ZMAT2: variants seen among roughly 807,000 people sequenced by gnomAD.
The protein encoded by ZMAT2 is zinc finger matrin-type 2.
In ZMAT2, 5 loss-of-function variants were observed where a neutral mutation model predicts 27.5. The observed-to-expected ratio is 0.18, with a 90% confidence interval of 0.10 to 0.38. ZMAT2 has a LOEUF of 0.38. ZMAT2 is among the 10% of genes least tolerant of loss of function. The pLI is 1.00. For synonymous variants in ZMAT2, 76 were observed against 78.6 expected, an observed-to-expected ratio of 0.97 and a Z score of 0.17; for missense variants, 124 against 243.9, an observed-to-expected ratio of 0.51 and a Z score of 3.27.
At position 140,702,050 on chromosome 5, in the gene ZMAT2, G is replaced by C; in HGVS notation, c.157G>C (p.Asp53His). The C allele has an allele frequency of 6.2e-7, 1 of 1,613,440 alleles. No homozygotes were observed. The highest frequency in any genetic ancestry group is 8.5e-7 in the Non-Finnish European group (1 of 1,179,712). Residue 53 changes from aspartate (D) to histidine (H), a missense_variant, in exon 3 of 6, where the codon GAC becomes CAC. Asp to His is a moderately conservative substitution (Grantham distance 81). Around this residue, in one of 5 missense-constraint regions of ZMAT2, gnomAD observed 34 missense variants for 50.8 expected, o/e 0.67. Transcript: ENST00000274712. ...CAAGCGAGAGCTTTTACGGCATAGG[G>C]ACTACAAGGTGGACTTGGAATCCAA... The part of the protein sequence containing the change: ...PVKRELLRHR[D>H]YKVDLESKLG...
chr5:140,704,625 A>G (rs557196022), intron 5 of ZMAT2, 54 bp downstream of exon 5: 212 of 1,592,398 alleles, frequency 1.3e-4, no homozygotes, highest in Middle Eastern at 4.2e-4. Flanking sequence ...TATGTTATGA[A>G]TCATGGGAGA....
rs768328648 is a variant in ZMAT2 at position 140,705,762 on chromosome 5, T to C, written c.*6T>C. On this transcript the variant is annotated 3_prime_UTR_variant, in exon 6 of 6. Coordinates refer to ENST00000274712, the MANE Select transcript of ZMAT2 (RefSeq NM_144723.3). ...CCACCAAGAAGAGTTACTGAGGCTT[T>C]CTGTGCTTGGCCTGACTTTGGCCTA... is the stretch of plus-strand genomic sequence containing the variant. 1 of 1,613,428 alleles carries C rather than the reference T, an allele frequency of 6.2e-7. No individual in the cohort carries two copies. The highest frequency in any genetic ancestry group is 2.2e-5 in the East Asian group (1 of 44,876).
chr5:140,705,805 CGTGT>C lies in ZMAT2; in HGVS notation c.*60_*63del. ...TTGGCCTATGCTGGACCTAACTTTG[CGTGT>C]GTGTGTGTGTAGTAGGGGGTCATTT... On this transcript the variant is annotated 3_prime_UTR_variant, in exon 6 of 6. Coordinates refer to ENST00000274712, the MANE Select transcript of ZMAT2 (RefSeq NM_144723.3). The C allele has an allele frequency of 1.9e-6, 3 of 1,587,694 alleles. No homozygotes were observed. The highest frequency in any genetic ancestry group is 2.2e-5 in the South Asian group (2 of 89,126).
chr5:140,704,663 AC>A, intron 5 of ZMAT2, 92 bp downstream of exon 5: 3 of 1,379,702 alleles, frequency 2.2e-6, no homozygotes, highest in Non-Finnish European at 3.0e-6. Context: ...TCCTACTCCC[AC>A]CCCCAGAGTT....
chr5:140,700,954 C>T (rs748192026), intron 2 of ZMAT2, 42 bp downstream of exon 2: 11 of 1,590,932 alleles, frequency 6.9e-6, no homozygotes, highest in Admixed American at 6.9e-5. Flanking sequence ...ATCACAGAGG[C>T]GATGCGATGA....
Position 140,706,477 on chromosome 5 carries a change from A to T in ZMAT2, c.*721A>T, listed in dbSNP as rs6848. The T allele has an allele frequency of 0.52, 78,719 of 152,216 alleles. 21,133 individuals carry two copies. Among genetic ancestry groups the T allele is most frequent in the African/African-American group, 0.66 (27,490 of 41,402 alleles). 9.4% of individuals were successfully genotyped at this position (152,216 alleles called of 1,614,324 possible). On this transcript the variant is annotated 3_prime_UTR_variant, in exon 6 of 6. Coordinates refer to ENST00000274712, the MANE Select transcript of ZMAT2 (RefSeq NM_144723.3). ...CAGGTGTAGATTGTTTCAGCTTCTC[A>T]TGTTTCATTTTCCTGAAGATTTATG...
chr5:140,704,139 G>A, intron 4 of ZMAT2, 148 bp downstream of exon 4: 2 of 754,632 alleles, frequency 2.7e-6, no homozygotes. Context: ...CTTTTTTGAT[G>A]CCCCTATTAG....
At chr5:140,704,923 A>AC (rs1402505906) in intron 5 of ZMAT2, among the ~76,000 whole-genome samples, 1 of 152,054 alleles carries the variant, frequency 6.6e-6, no homozygotes, top group Non-Finnish European at 1.5e-5. Flanking sequence ...AATACATAAT[A>AC]CACCTAACCT....
At chr5:140,702,508 G>A (rs1581559683) in intron 3 of ZMAT2, among the ~76,000 whole-genome samples, 1 of 152,236 alleles carries the variant, frequency 6.6e-6, no homozygotes. Flanking sequence ...CATACTATGA[G>A]CACTACAGCT....
At chr5:140,705,494 T>A (rs972180124) in intron 5 of ZMAT2, 119 bp from the exon 6 acceptor site, 1 of 1,205,010 alleles carries the variant, frequency 8.3e-7, no homozygotes, top group Admixed American at 2.8e-5. Context: ...GATCTTAATA[T>A]ACATGAAGTA....
Position 140,705,908 on chromosome 5 carries a change from C to G in ZMAT2, c.*152C>G, listed in dbSNP as rs1033714855. On this transcript the variant is annotated 3_prime_UTR_variant, in exon 6 of 6. Transcript: ENST00000274712. Reference sequence around the variant, plus strand: ...GAGGGTGGGGGCTCATGGTTTCCCTCTACTTTGGGAGAGGGCACAGATTGC... The same window carrying G: ...GAGGGTGGGGGCTCATGGTTTCCCTGTACTTTGGGAGAGGGCACAGATTGC... The G allele has an allele frequency of 9.7e-7, 1 of 1,032,230 alleles. No homozygotes were observed. The highest frequency in any genetic ancestry group is 1.4e-6 in the Non-Finnish European group (1 of 735,748). The allele number at this position is 1,032,230 out of a possible 1,614,324, so 63.9% of individuals were successfully genotyped here. A position where few individuals can be genotyped will look rare whatever the true frequency, so the allele number is the denominator to read the frequency against.
intron 1 of ZMAT2, 32 bp downstream of exon 1, chr5:140,700,510 G>C (rs775309305): frequency 1.3e-5 from 21 of 1,612,504 alleles, no homozygotes; most frequent in African/African-American, 8.0e-5. Flanking sequence ...GAGGTTTTGC[G>C]GGGTGGGGAA....
At chr5:140,702,558 A>G (rs577430006) in intron 3 of ZMAT2, among the ~76,000 whole-genome samples, 1 of 152,218 alleles carries the variant, frequency 6.6e-6, no homozygotes, top group Non-Finnish European at 1.5e-5. Context: ...TTGCCATTGT[A>G]CTTGTTATCA....
Position 140,705,887 on chromosome 5 carries a change from G to C in ZMAT2, c.*131G>C. 10 of 1,239,694 alleles carry C rather than the reference G, an allele frequency of 8.1e-6. No homozygotes were observed. Among genetic ancestry groups the C allele is most frequent in the Non-Finnish European group, 9.9e-6 (9 of 908,402 alleles). 76.8% of individuals were successfully genotyped at this position (1,239,694 alleles called of 1,614,324 possible). A position where few individuals can be genotyped will look rare whatever the true frequency, so the allele number is the denominator to read the frequency against. On this transcript the variant is annotated 3_prime_UTR_variant, in exon 6 of 6. Coordinates refer to ENST00000274712, the MANE Select transcript of ZMAT2 (RefSeq NM_144723.3). ...GAGTGTCAATGGGGAGGGATAGAGG[G>C]TGGGGGCTCATGGTTTCCCTCTACT...
chr5:140,704,076 CT>C, intron 4 of ZMAT2, 85 bp downstream of exon 4: 1 of 1,266,436 alleles, frequency 7.9e-7, no homozygotes, highest in Non-Finnish European at 1.1e-6. Context: ...TTTTTTTCTT[CT>C]TTTTACTCAT....
In ZMAT2 at chr5:140,706,357, G is replaced by C. The variant is rs1272639279; in HGVS notation, c.*601G>C. ...GGAATCCTAGAGCATTGCTGCCCTG[G>C]GGCCTGATGTTCTTGGCTTCCTCAG... is the stretch of plus-strand genomic sequence containing the variant. On this transcript the variant is annotated 3_prime_UTR_variant, in exon 6 of 6. Coordinates refer to ENST00000274712, the MANE Select transcript of ZMAT2 (RefSeq NM_144723.3). 1.3e-5 allele frequency: 2 copies of C among 152,820 alleles called. No homozygotes were observed. Among genetic ancestry groups the C allele is most frequent in the African/African-American group, 4.8e-5 (2 of 41,448 alleles). 9.5% of individuals were successfully genotyped at this position (152,820 alleles called of 1,614,324 possible).
rs556717700 is a variant in ZMAT2 at position 140,701,362 on chromosome 5, T to C, written c.112+450T>C. Reference sequence around the variant, plus strand: ...CCGGGGAACTTTGCAGGATCTGTGATTGTTTCAGCTAGAGCTTAGTAGTGC... The same window carrying C: ...CCGGGGAACTTTGCAGGATCTGTGACTGTTTCAGCTAGAGCTTAGTAGTGC... On this transcript the variant is annotated intron_variant, in intron 2 of 5. Transcript: ENST00000274712. 1.2e-4 allele frequency among the ~76,000 whole-genome samples: 19 copies of C among 152,302 alleles called. No individual in the cohort carries two copies. In the East Asian group the frequency reaches 3.7e-3, roughly 29 times the overall value.
In ZMAT2 at chr5:140,705,825, G is replaced by A; in HGVS notation, c.*69G>A. The stretch of plus-strand genomic sequence containing the variant: ...CTTTGCGTGTGTGTGTGTGTAGTAG[G>A]GGGTCATTTCTTTTTGGGTAATGGG... On this transcript the variant is annotated 3_prime_UTR_variant, in exon 6 of 6. Transcript: ENST00000274712. 3 of 1,558,358 alleles carry A rather than the reference G, an allele frequency of 1.9e-6. No individual in the cohort carries two copies. The highest frequency in any genetic ancestry group is 2.3e-5 in the East Asian group (1 of 44,394).
At chr5:140,701,492 C>T (rs918211586) in intron 2 of ZMAT2, among the ~76,000 whole-genome samples, 2 of 152,194 alleles carry the variant, frequency 1.3e-5, no homozygotes, top group African/African-American at 2.4e-5. Context: ...CGTGTACATT[C>T]TTCTTTCCCT....
Sources: allele counts gnomAD v4.1 joint callset (sites outside exome capture counted in the v4.1 genomes callset), GRCh38; gene constraint gnomAD v4.1.1; regional missense constraint gnomAD v4.1.1; transcripts MANE v1.5; gene names NCBI Gene and HGNC (gene_info 2026-07-23, HGNC 2026-07-21).